The following ROBO4 variants were observed in gnomAD, a reference collection of about 807,000 sequenced individuals.
ROBO4 encodes the protein roundabout guidance receptor 4.
ROBO4 carries 80 observed loss-of-function variants against 103.3 expected under a neutral mutation model. The observed-to-expected ratio is 0.77, with a 90% CI of 0.65 to 0.93. The LOEUF (loss-of-function observed/expected upper bound fraction) is 0.93, where lower values mean the gene tolerates loss of function less well. Ranked by LOEUF, ROBO4 falls within the 40% of genes least tolerant of loss-of-function variation. The pLI is 0.00. For synonymous variants in ROBO4, 504 were observed against 529.7 expected (o/e 0.95, Z 0.67); for missense variants, 1,333 against 1,305.3 (o/e 1.02, Z -0.33).
chr11:124,897,714 A>T lies in ROBO4; in HGVS notation c.70+12T>A. On this transcript the variant is annotated intron_variant, in intron 1 of 17. Coordinates refer to ENST00000306534, the MANE Select transcript of ROBO4 (RefSeq NM_019055.6). Reference sequence around the variant, plus strand: ...TGGAGGAGCATGGGCCAGGAGAGGGAGAGCAACTCACCCATGATGAGCAGG... The same window carrying T: ...TGGAGGAGCATGGGCCAGGAGAGGGTGAGCAACTCACCCATGATGAGCAGG... 1.2e-6 allele frequency: 2 copies of T among 1,612,554 alleles called. No homozygotes were observed. Among genetic ancestry groups the T allele is most frequent in the Non-Finnish European group, 8.5e-7 (1 of 1,178,652 alleles).
chr11:124,897,317 T>A, intron 1 of ROBO4, 56 bp from the exon 2 acceptor site: 1 of 1,256,516 alleles, frequency 8.0e-7, no homozygotes, highest in Non-Finnish European at 1.1e-6. Flanking sequence ...CCCAAATTCC[T>A]GGCCCACCCC....
rs201492213 is a variant in ROBO4 at position 124,891,545 on chromosome 11, G to A, written c.1702C>T (p.Arg568Ter). ...CRRSLLSWDS[R>*]SPGVPLLPDT... ...GGAAGCAGGGGCACGCCGGGGCTTC[G>A]GGAGTCCCAGGAGAGCACTGTGACA... Residue 568 changes from arginine to a stop codon, truncating the protein, a stop_gained, in exon 12 of 18, where the codon CGA becomes TGA. Coordinates refer to ENST00000306534, the MANE Select transcript of ROBO4 (RefSeq NM_019055.6). LOFTEE classifies it high-confidence loss of function. 5.7e-5 allele frequency: 92 copies of A among 1,614,084 alleles called. No individual in the cohort carries two copies. The highest frequency in any genetic ancestry group is 1.6e-4 in the Middle Eastern group (1 of 6,084).
chr11:124,890,104 G>T (rs988940219), intron 12 of ROBO4, among the ~76,000 whole-genome samples: 1 of 152,218 alleles, frequency 6.6e-6, no homozygotes, highest in Non-Finnish European at 1.5e-5. Flanking sequence ...TAAAGTTGGT[G>T]TAGTTCTCCC....
chr11:124,891,689 TC>T lies in ROBO4; in HGVS notation c.1660del (p.Asp554ThrfsTer3). ...ACAGGAGCGACGACAGTCTAGTGGG[TC>T]CCGGGCATCCGCCCCCAGCCGACTG... is the stretch of plus-strand genomic sequence containing the variant. ...LSSRLGADAR[D>X]PLDCRRSLLS... is the part of the protein sequence containing the mutation. On this transcript the variant is annotated frameshift_variant, in exon 11 of 18. Transcript: ENST00000306534. LOFTEE classifies it high-confidence loss of function. The T allele has an allele frequency of 4.3e-6, 7 of 1,614,074 alleles. No homozygotes were observed. The highest frequency in any genetic ancestry group is 5.9e-6 in the Non-Finnish European group (7 of 1,180,010).
chr11:124,888,231 A>G (rs1277499443), intron 12 of ROBO4, among the ~76,000 whole-genome samples: 3 of 152,358 alleles, frequency 2.0e-5, no homozygotes, highest in East Asian at 1.9e-4. Flanking sequence ...ATTCATTCCA[A>G]TCTTCCTGAT....
rs1946722309 is a variant in ROBO4 at position 124,886,839 on chromosome 11, G to A, written c.2436-17C>T. Reference sequence around the variant, plus strand: ...ACGCTGTTCCTAGGGAGAGGCAAAAGGGGAGACAGCAATGGTTTGGGTGGA... The same window carrying A: ...ACGCTGTTCCTAGGGAGAGGCAAAAAGGGAGACAGCAATGGTTTGGGTGGA... On this transcript the variant is annotated splice_polypyrimidine_tract_variant and intron_variant, in intron 15 of 17. Transcript: ENST00000306534. 1.3e-6 allele frequency: 2 copies of A among 1,528,046 alleles called. No homozygotes were observed. The highest frequency in any genetic ancestry group is 1.3e-5 in the South Asian group (1 of 77,558). 94.7% of individuals were successfully genotyped at this position (1,528,046 alleles called of 1,614,324 possible). A position where few individuals can be genotyped will look rare whatever the true frequency, so the allele number is the denominator to read the frequency against.
Position 124,897,773 on chromosome 11 carries a change from A to G in ROBO4, c.23T>C (p.Leu8Pro). ...AGGCAGGGAACCCCTGCCCCCCAGGAGGCTGTCTCCTCCAGAGCCCATGGC... is the reference window on the plus strand; with the variant it reads ...AGGCAGGGAACCCCTGCCCCCCAGGGGGCTGTCTCCTCCAGAGCCCATGGC... Reference protein sequence around the residue: MGSGGDSLLGGRGSLPLL... With the variant: MGSGGDSPLGGRGSLPLL... Residue 8 changes from leucine (L) to proline (P), a missense_variant, in exon 1 of 18, where the codon CTC becomes CCC. Physicochemically the swap from Leu to Pro is moderately conservative, Grantham distance 98. Transcript: ENST00000306534. 6.2e-7 allele frequency: 1 copy of G among 1,613,744 alleles called. No individual in the cohort carries two copies.
In ROBO4 at chr11:124,895,638, C is replaced by T. The variant is rs773470166; in HGVS notation, c.855G>A (p.Arg285=). ...CCTGGCCTCCCGGGGCAGTCTGGGT[C>T]CTGAACAAGGCCGTGTAAGATTGGG... ...APAQSYTALF[R]TQTAPGGQGA... is the part of the protein sequence containing the mutation. The change falls in exon 6 of 18, where the codon AGG becomes AGA. Residue 285 remains arginine, a synonymous_variant. Coordinates refer to ENST00000306534, the MANE Select transcript of ROBO4 (RefSeq NM_019055.6). 1 of 1,613,958 alleles carries T rather than the reference C, an allele frequency of 6.2e-7. No homozygotes were observed. Among genetic ancestry groups the T allele is most frequent in the African/African-American group, 1.3e-5 (1 of 75,066 alleles).
At position 124,887,515 on chromosome 11, in the gene ROBO4, C is replaced by A; in HGVS notation, c.2057-16G>T. ...GGCACAGCTCCTGGGGAAGAGAAGC[C>A]TGGGTGTGAGAACAGTGGCATCCCC... On this transcript the variant is annotated splice_polypyrimidine_tract_variant and intron_variant, in intron 13 of 17. Transcript: ENST00000306534. 6.2e-7 allele frequency: 1 copy of A among 1,613,262 alleles called. No homozygotes were observed. The highest frequency in any genetic ancestry group is 8.5e-7 in the Non-Finnish European group (1 of 1,179,898).
At chr11:124,893,394 C>G (rs1047822006) in intron 10 of ROBO4, among the ~76,000 whole-genome samples, 3 of 152,202 alleles carry the variant, frequency 2.0e-5, no homozygotes, top group African/African-American at 7.2e-5. Context: ...AGGTGGTCGT[C>G]TCATGCTGAT....
At chr11:124,891,255 C>T (rs368742750) in intron 12 of ROBO4, 44 bp downstream of exon 12, 23 of 1,495,426 alleles carry the variant, frequency 1.5e-5, no homozygotes, top group African/African-American at 8.4e-5. Context: ...TTCCTGGGCC[C>T]GCCTACCACC....
chr11:124,885,767 C>G (rs1669551959), intron 16 of ROBO4, among the ~76,000 whole-genome samples: 1 of 152,112 alleles, frequency 6.6e-6, no homozygotes, highest in Admixed American at 6.6e-5. Flanking sequence ...CTCGTCAGCC[C>G]CAGCCACGGA....
chr11:124,884,614 A>C lies in ROBO4; in HGVS notation c.*277T>G, dbSNP rs1029362784. On this transcript the variant is annotated 3_prime_UTR_variant, in exon 18 of 18. Transcript: ENST00000306534. ...GCAGGGCTGCTCCTCAGGCCAAAAC[A>C]ACCTGGTGGTGGGAGTGGATGGCAC... The C allele has an allele frequency of 3.1e-5, 17 of 545,742 alleles. No homozygotes were observed. Among genetic ancestry groups the C allele is most frequent in the Non-Finnish European group, 5.2e-5 (16 of 306,730 alleles). 33.8% of individuals were successfully genotyped at this position (545,742 alleles called of 1,614,324 possible).
At chr11:124,893,622 C>T in intron 10 of ROBO4, 66 bp downstream of exon 10, 1 of 1,453,260 alleles carries the variant, frequency 6.9e-7, no homozygotes, top group South Asian at 1.1e-5. Context: ...CTCCATTCTT[C>T]TCTGTTGCAG....
chr11:124,896,060 G>T (rs1215395551), intron 4 of ROBO4, 138 bp downstream of exon 4: 3 of 1,520,968 alleles, frequency 2.0e-6, no homozygotes, highest in Non-Finnish European at 2.7e-6. Context: ...ACTCTAGCAG[G>T]GGGGAACCTC....
intron 12 of ROBO4, among the ~76,000 whole-genome samples, chr11:124,888,934 G>GA (rs1259598893): frequency 6.6e-6 from 1 of 152,174 alleles, no homozygotes; most frequent in Non-Finnish European, 1.5e-5. Flanking sequence ...GCCCAGCTAG[G>GA]AAAGAGTTTC....
intron 12 of ROBO4, among the ~76,000 whole-genome samples, chr11:124,889,994 C>T (rs1946775735): frequency 6.6e-6 from 1 of 152,172 alleles, no homozygotes. Flanking sequence ...GGCTAGGAAG[C>T]CTCATCTCAG....
At position 124,887,516 on chromosome 11, in the gene ROBO4, T is replaced by G; in HGVS notation, c.2057-17A>C. ...GCACAGCTCCTGGGGAAGAGAAGCC[T>G]GGGTGTGAGAACAGTGGCATCCCCA... On this transcript the variant is annotated splice_polypyrimidine_tract_variant and intron_variant, in intron 13 of 17. Transcript: ENST00000306534. 1 of 1,613,190 alleles carries G rather than the reference T, an allele frequency of 6.2e-7. No individual in the cohort carries two copies. Among genetic ancestry groups the G allele is most frequent in the Non-Finnish European group, 8.5e-7 (1 of 1,179,880 alleles).
Position 124,887,063 on chromosome 11 carries a change from T to G in ROBO4, c.2349A>C (p.Ser783=), listed in dbSNP as rs760925958. Residue 783 remains serine (S), a synonymous_variant, in exon 15 of 18, where the codon TCA becomes TCC. Coordinates refer to ENST00000306534, the MANE Select transcript of ROBO4 (RefSeq NM_019055.6). ...ASSRLSSSSL[S]SLGEDQDSVL... is the part of the protein sequence containing the mutation. ...CGCTGTCTTGATCCTCCCCCAGGGA[T>G]GACAGTGAGGAGCTGGACAGGCGAC... is the stretch of plus-strand genomic sequence containing the variant. 6.2e-7 allele frequency: 1 copy of G among 1,613,264 alleles called. No homozygotes were observed. The highest frequency in any genetic ancestry group is 1.1e-5 in the South Asian group (1 of 91,046).
Sources: allele counts gnomAD v4.1 joint callset (sites outside exome capture counted in the v4.1 genomes callset), GRCh38; gene constraint gnomAD v4.1.1; transcripts MANE v1.5; gene names NCBI Gene and HGNC (gene_info 2026-07-23, HGNC 2026-07-21).